ROBO2: variants seen among roughly 807,000 people sequenced by gnomAD.
ROBO2 encodes roundabout guidance receptor 2, also known as roundabout homolog 2.
ROBO2 carries 53 observed loss-of-function variants against 160.8 expected under a neutral mutation model. That is an observed-to-expected ratio of 0.33 (90% CI 0.26 to 0.41). The LOEUF (loss-of-function observed/expected upper bound fraction) is 0.41. Ranked by LOEUF, ROBO2 falls within the 10% of genes least tolerant of loss-of-function variation. The pLI is 1.00. For synonymous variants in ROBO2, 664 were observed against 611.7 expected, an observed-to-expected ratio of 1.09 and a Z score of -1.26; for missense variants, 1,577 against 1,722.4, an observed-to-expected ratio of 0.92 and a Z score of 1.49.
chr3:76,383,543 C>A (rs2108575905), intron 2 of ROBO2, among the ~76,000 whole-genome samples: 1 of 152,116 alleles, frequency 6.6e-6, no homozygotes, highest in African/African-American at 2.4e-5. Flanking sequence ...ATAAATAGTG[C>A]TTAAATTACT....
At chr3:77,255,132 G>T (rs1580413177) in intron 2 of ROBO2, among the ~76,000 whole-genome samples, 3 of 152,204 alleles carry the variant, frequency 2.0e-5, no homozygotes, top group African/African-American at 7.2e-5. Flanking sequence ...AAGGGACAGA[G>T]AAATGTAAGG....
intron 2 of ROBO2, among the ~76,000 whole-genome samples, chr3:76,623,379 G>A (rs1400268395): frequency 6.6e-6 from 1 of 152,152 alleles, no homozygotes; most frequent in East Asian, 1.9e-4. Context: ...TCTAATTAGA[G>A]TAACCTTGGT....
intron 2 of ROBO2, among the ~76,000 whole-genome samples, chr3:76,070,278 C>G (rs1330863723): frequency 6.6e-6 from 1 of 152,142 alleles, no homozygotes; most frequent in Non-Finnish European, 1.5e-5. Flanking sequence ...TTTTTCTCAG[C>G]ATGGAACATC....
intron 2 of ROBO2, among the ~76,000 whole-genome samples, chr3:76,708,126 T>C (rs895725405): frequency 6.6e-6 from 1 of 152,204 alleles, no homozygotes. Context: ...AATTGCTGTC[T>C]ATTCAATTAT....
At chr3:75,968,676 T>C (rs1195047484) in intron 2 of ROBO2, among the ~76,000 whole-genome samples, 2 of 151,626 alleles carry the variant, frequency 1.3e-5, no homozygotes, top group East Asian at 3.9e-4. Context: ...ATACTTTAGA[T>C]ACAACTTACT....
intron 2 of ROBO2, among the ~76,000 whole-genome samples, chr3:76,623,538 C>A (rs1212338717): frequency 6.6e-6 from 1 of 152,146 alleles, no homozygotes; most frequent in Admixed American, 6.5e-5. Flanking sequence ...ATTTTAGCCT[C>A]ACGTAATAAG....
At chr3:77,293,816 C>G (rs1188476584) in intron 2 of ROBO2, among the ~76,000 whole-genome samples, 2 of 139,674 alleles carry the variant, frequency 1.4e-5, no homozygotes, top group South Asian at 2.2e-4. Flanking sequence ...ACAGTAAAGA[C>G]ATAAAGTAGA....
chr3:77,068,252 T>C (rs2067064110), intron 1 of ROBO2, among the ~76,000 whole-genome samples: 2 of 152,140 alleles, frequency 1.3e-5, no homozygotes, highest in African/African-American at 4.8e-5. Context: ...CCTTAATTGA[T>C]ATAAGAAAAT....
intron 2 of ROBO2, among the ~76,000 whole-genome samples, chr3:77,225,670 T>C (rs1560284208): frequency 6.6e-6 from 1 of 152,146 alleles, no homozygotes; most frequent in East Asian, 1.9e-4. Context: ...GGAAATACTA[T>C]GTGCTTCTAA....
chr3:76,133,828 C>T (rs2071325325), intron 2 of ROBO2, among the ~76,000 whole-genome samples: 1 of 152,000 alleles, frequency 6.6e-6, no homozygotes, highest in Non-Finnish European at 1.5e-5. Context: ...CGGTGCCCAC[C>T]CAGATCGAGG....
chr3:75,943,116 A>G (rs1393181596), intron 2 of ROBO2, among the ~76,000 whole-genome samples: 1 of 152,170 alleles, frequency 6.6e-6, no homozygotes, highest in Non-Finnish European at 1.5e-5. Context: ...GGTCACTGCC[A>G]TGGAAAAATG....
chr3:76,977,664 A>G (rs1184617576), intron 2 of ROBO2, among the ~76,000 whole-genome samples: 2 of 152,124 alleles, frequency 1.3e-5, no homozygotes, highest in South Asian at 4.1e-4. Context: ...GATAAGAGGA[A>G]AGCTATAACA....
intron 1 of ROBO2, among the ~76,000 whole-genome samples, chr3:77,082,034 A>G (rs2068720118): frequency 6.6e-6 from 1 of 152,206 alleles, no homozygotes; most frequent in Non-Finnish European, 1.5e-5. Context: ...TTTAAAAACA[A>G]TGCAGAGCCG....
At chr3:76,065,796 C>T (rs1013561126) in intron 2 of ROBO2, among the ~76,000 whole-genome samples, 12 of 149,776 alleles carry the variant, frequency 8.0e-5, no homozygotes, top group Admixed American at 2.0e-4. Context: ...TGAACTTTTA[C>T]TTAGACATGT....
chr3:77,586,992 A>G (rs943014501), intron 16 of ROBO2, among the ~76,000 whole-genome samples: 1 of 151,996 alleles, frequency 6.6e-6, no homozygotes, highest in African/African-American at 2.4e-5. Flanking sequence ...GATTATAAGT[A>G]TGTATAAGGA....
chr3:76,606,707 T>C (rs1046995119), intron 2 of ROBO2, among the ~76,000 whole-genome samples: 1 of 152,124 alleles, frequency 6.6e-6, no homozygotes, highest in East Asian at 1.9e-4. Context: ...TTATATATGT[T>C]TTTTAGTTTG....
chr3:77,534,713 A>G (rs2091974903), intron 6 of ROBO2, among the ~76,000 whole-genome samples: 1 of 152,208 alleles, frequency 6.6e-6, no homozygotes. Flanking sequence ...AATATATCTG[A>G]ATGCCTTTTA....
chr3:76,791,035 C>T (rs1054581019), intron 2 of ROBO2, among the ~76,000 whole-genome samples: 2 of 151,784 alleles, frequency 1.3e-5, no homozygotes, highest in Non-Finnish European at 2.9e-5. Context: ...ATGTTCTCTT[C>T]TGTTGCCATC....
chr3:76,923,152 G>C (rs985771963), intron 2 of ROBO2, among the ~76,000 whole-genome samples: 1 of 152,134 alleles, frequency 6.6e-6, no homozygotes, highest in Non-Finnish European at 1.5e-5. Context: ...TCTTCATCCA[G>C]GTATAAAGAG....
Sources: gnomAD v4.1 joint callset for allele counts (sites outside exome capture counted in the v4.1 genomes callset) on GRCh38, gnomAD v4.1.1 for gene constraint, MANE v1.5 for transcripts, NCBI Gene and HGNC (gene_info 2026-07-23, HGNC 2026-07-21) for gene names.